Variants in SPAG5 observed in about 807,000 individuals in gnomAD.
SPAG5 encodes sperm associated antigen 5.
A neutral mutation model predicts 145.4 loss-of-function variants in SPAG5; 99 were observed. That is an observed-to-expected ratio of 0.68 (90% CI 0.58 to 0.80). The LOEUF is 0.80. Ranked by LOEUF, SPAG5 falls within the 30% of genes least tolerant of loss-of-function variation. The pLI, the probability that SPAG5 is intolerant of heterozygous loss-of-function variation, is 0.00. For synonymous variants in SPAG5, 477 were observed against 525.4 expected, an observed-to-expected ratio of 0.91 and a Z score of 1.26; for missense variants, 1,192 against 1,416.0, an observed-to-expected ratio of 0.84 and a Z score of 2.54.
chr17:28,586,662 G>A (rs2070587396), intron 4 of SPAG5, among the ~76,000 whole-genome samples, 163 bp from the exon 5 acceptor site: 1 of 152,192 alleles, frequency 6.6e-6, no homozygotes, highest in South Asian at 2.1e-4. Flanking sequence ...CTCCCAAGTA[G>A]CTGGGATTAC....
At chr17:28,598,436 C>A (rs962232263) in intron 2 of SPAG5, 74 bp downstream of exon 2, 6 of 1,518,160 alleles carry the variant, frequency 4.0e-6, no homozygotes, top group African/African-American at 1.4e-5. Context: ...TTATTGTAGC[C>A]CTGGCCCTCT....
Position 28,596,101 on chromosome 17 carries a change from A to G in SPAG5, c.177+2409T>C, listed in dbSNP as rs2070662826. On this transcript the variant is annotated intron_variant, in intron 2 of 23. Transcript: ENST00000321765. ...CACACCGTAATCCCAGCTACTTGGG[A>G]GGGTGAGGCAGGAAAATTGCTTGAA... 1.3e-5 allele frequency among the ~76,000 whole-genome samples: 2 copies of G among 151,908 alleles called. 1 individual carries two copies. Among genetic ancestry groups the G allele is most frequent in the Non-Finnish European group, 2.9e-5 (2 of 67,980 alleles).
Position 28,578,504 on chromosome 17 carries a change from G to A in SPAG5, c.3223C>T (p.Leu1075Phe). Residue 1075 changes from leucine to phenylalanine, a missense_variant, in exon 21 of 24, where the codon CTT (leucine) becomes TTT (phenylalanine). Coordinates refer to ENST00000321765, the MANE Select transcript of SPAG5 (RefSeq NM_006461.4). ...LISLREEVTH[L>F]TRSLRRAETE... ...TCCGCACGCCGAAGTGAGCGGGTAA[G>A]GTGGGTCACCTCCTCTCTAAGGCTC... 6.2e-7 allele frequency: 1 copy of A among 1,611,368 alleles called. No homozygotes were observed. Among genetic ancestry groups the A allele is most frequent in the Non-Finnish European group, 8.5e-7 (1 of 1,180,022 alleles).
intron 1 of SPAG5, 30 bp downstream of exon 1, chr17:28,598,866 A>C: frequency 6.2e-7 from 1 of 1,612,930 alleles, no homozygotes; most frequent in Non-Finnish European, 8.5e-7. Context: ...AGCCCGGCCC[A>C]GTTCTCTCCG....
At chr17:28,590,047 G>C (rs978607612) in intron 4 of SPAG5, among the ~76,000 whole-genome samples, 2 of 152,204 alleles carry the variant, frequency 1.3e-5, no homozygotes, top group African/African-American at 2.4e-5. Context: ...CTTTAGGATA[G>C]AGAAATCTTT....
At position 28,578,526 on chromosome 17, in the gene SPAG5, G is replaced by T. The variant is rs780160148; in HGVS notation, c.3201C>A (p.Ser1067Arg). 2.3e-5 allele frequency: 37 copies of T among 1,610,220 alleles called. No individual in the cohort carries two copies. The highest frequency in any genetic ancestry group is 3.1e-5 in the Non-Finnish European group (37 of 1,179,964). Reference protein sequence around the residue: ...EQIDKSGELISLREEVTHLTR... With the variant: ...EQIDKSGELIRLREEVTHLTR... ...TAAGGTGGGTCACCTCCTCTCTAAG[G>T]CTCTGGGAATGAGAATGGAGAGGTG... Residue 1067 changes from serine (S) to arginine (R), a missense_variant and splice_region_variant, in exon 21 of 24, where the codon AGC becomes AGA. By Grantham distance (110) the Ser-to-Arg change is moderately radical (BLOSUM62 -1). This residue lies in a region of SPAG5 where 709 missense variants were observed against 840.7 expected (regional missense o/e 0.84). Coordinates refer to ENST00000321765, the MANE Select transcript of SPAG5 (RefSeq NM_006461.4).
At chr17:28,596,524 C>T (rs2070666322) in intron 2 of SPAG5, among the ~76,000 whole-genome samples, 1 of 151,534 alleles carries the variant, frequency 6.6e-6, no homozygotes, top group African/African-American at 2.4e-5. Flanking sequence ...AAAAATTAGC[C>T]AGGCATGGTG....
Position 28,578,061 on chromosome 17 carries a change from G to T in SPAG5, c.3459C>A (p.Arg1153=). 6.2e-7 allele frequency: 1 copy of T among 1,614,154 alleles called. No individual in the cohort carries two copies. Among genetic ancestry groups the T allele is most frequent in the African/African-American group, 1.3e-5 (1 of 75,046 alleles). ...HRNILEENLR[R]SDKELEKLDD... ...CTAGTTTTTCTAACTCCTTGTCAGA[G>T]CGCCGAAGGTTCTCCTCTAGGATAT... The change falls in exon 23 of 24, where the codon CGC becomes CGA. Residue 1153 remains arginine, a synonymous_variant. Coordinates refer to ENST00000321765, the MANE Select transcript of SPAG5 (RefSeq NM_006461.4).
At chr17:28,597,147 T>A (rs950317502) in intron 2 of SPAG5, among the ~76,000 whole-genome samples, 1 of 152,078 alleles carries the variant, frequency 6.6e-6, no homozygotes, top group African/African-American at 2.4e-5. Flanking sequence ...CCAGGCACAG[T>A]GGCTCACACC....
chr17:28,581,549 C>G (rs2070549056), intron 15 of SPAG5, among the ~76,000 whole-genome samples: 1 of 151,262 alleles, frequency 6.6e-6, no homozygotes, highest in Non-Finnish European at 1.5e-5. Context: ...CTCAGCTTTT[C>G]CAATCCCAAA....
intron 11 of SPAG5, 28 bp downstream of exon 11, chr17:28,584,624 A>C (rs750628441): frequency 6.2e-7 from 1 of 1,601,016 alleles, no homozygotes; most frequent in East Asian, 2.2e-5. Context: ...GCTTACATGC[A>C]TGCATACACA....
At chr17:28,579,092 T>C (rs367554161) in intron 19 of SPAG5, 49 bp downstream of exon 19, 384 of 1,452,836 alleles carry the variant, frequency 2.6e-4, no homozygotes, top group Middle Eastern at 4.8e-4. Context: ...AGTGGGCCAG[T>C]AGAGCTGCCC....
rs544124401 is a variant in SPAG5 at position 28,583,413 on chromosome 17, T to C, written c.2685+98A>G. ...GAGGTCCTGTAGGTAACTGAAATCA[T>C]AAAAGGTCACAGTTAGAAAAAGAGT... On this transcript the variant is annotated intron_variant, in intron 15 of 23. Transcript: ENST00000321765. 16 of 1,360,240 alleles carry C rather than the reference T, an allele frequency of 1.2e-5. No individual in the cohort carries two copies. The East Asian group carries it at 3.6e-4, about 31-fold the overall frequency. 84.3% of individuals were successfully genotyped at this position (1,360,240 alleles called of 1,614,324 possible). A position where few individuals can be genotyped will look rare whatever the true frequency, so the allele number is the denominator to read the frequency against.
chr17:28,586,534 T>C, intron 4 of SPAG5, 35 bp from the exon 5 acceptor site: 1 of 1,559,196 alleles, frequency 6.4e-7, no homozygotes, highest in Non-Finnish European at 8.8e-7. Flanking sequence ...CTTGTTTTGT[T>C]TGTTTGTTTG....
At chr17:28,594,508 TG>T (rs1478959984) in intron 2 of SPAG5, among the ~76,000 whole-genome samples, 1 of 151,968 alleles carries the variant, frequency 6.6e-6, no homozygotes, top group African/African-American at 2.4e-5. Flanking sequence ...GGCAGGAGAA[TG>T]GCGTGAACCC....
Position 28,579,754 on chromosome 17 carries a change from C to T in SPAG5, c.2881G>A (p.Ala961Thr), listed in dbSNP as rs1445091745. 2 of 1,613,672 alleles carry T rather than the reference C, an allele frequency of 1.2e-6. No individual in the cohort carries two copies. Among genetic ancestry groups the T allele is most frequent in the Non-Finnish European group, 8.5e-7 (1 of 1,179,558 alleles). The change falls in exon 17 of 24, where the codon GCA (alanine) becomes ACA (threonine). Residue 961 changes from alanine (A) to threonine (T), a missense_variant. Ala to Thr is a moderately conservative substitution (Grantham distance 58, BLOSUM62 0). Transcript: ENST00000321765. ...RVASMVSLQP[A>T]ETPGMEESLA... ...GATCCCTGGAGCCCCTCCTAACCTG[C>T]GGGCTGAAGGGAAACCATTGATGCT...
intron 3 of SPAG5, 32 bp from the exon 4 acceptor site, chr17:28,591,904 G>A (rs757452402): frequency 1.2e-6 from 2 of 1,610,642 alleles, no homozygotes; most frequent in Admixed American, 3.3e-5. Flanking sequence ...ATGACGAAAA[G>A]AAAAGGAGGG....
rs745376026 is a variant in SPAG5, at chr17:28,579,812, C to T, written c.2823G>A (p.Leu941=). The T allele has an allele frequency of 1.2e-6, 2 of 1,614,020 alleles. No individual in the cohort carries two copies. Among genetic ancestry groups the T allele is most frequent in the East Asian group, 4.5e-5 (2 of 44,888 alleles). Reference sequence around the variant, plus strand: ...TGAAAGCACTCTTGTCACTTCCAAGCAAGGGCACAGGAGTTGATTCTGGCT... The same window carrying T: ...TGAAAGCACTCTTGTCACTTCCAAGTAAGGGCACAGGAGTTGATTCTGGCT... ...DEEPESTPVP[L]LGSDKSAFTR... is the part of the protein sequence containing the mutation. Residue 941 remains leucine (L), a synonymous_variant, in exon 17 of 24, where the codon TTG becomes TTA. Transcript: ENST00000321765.
At chr17:28,594,385 G>A (rs1461461248) in intron 2 of SPAG5, among the ~76,000 whole-genome samples, 2 of 152,134 alleles carry the variant, frequency 1.3e-5, no homozygotes, top group Non-Finnish European at 2.9e-5. Flanking sequence ...CACGAGGTCA[G>A]GAGATCGAGA....
Sources: allele counts gnomAD v4.1 joint callset (sites outside exome capture counted in the v4.1 genomes callset), GRCh38; gene constraint gnomAD v4.1.1; regional missense constraint gnomAD v4.1.1; transcripts MANE v1.5; gene names NCBI Gene and HGNC (gene_info 2026-07-23, HGNC 2026-07-21).